Variants in DOCK10 observed in about 807,000 individuals in gnomAD.
The protein encoded by DOCK10 is dedicator of cytokinesis protein 10.
In DOCK10, 145 loss-of-function variants were observed where a neutral mutation model predicts 280.1. The observed-to-expected ratio is 0.52, with a 90% CI of 0.45 to 0.59. The LOEUF is 0.59. Among genes scored for constraint, DOCK10 ranks in the 20% least tolerant of loss-of-function variants. The probability of loss-of-function intolerance (pLI) is 0.00; values close to 1 mark genes in which losing one functional copy is unlikely to be tolerated. For synonymous variants in DOCK10, 915 were observed against 942.2 expected, an observed-to-expected ratio of 0.97 and a Z score of 0.53; for missense variants, 2,368 against 2,651.7, an observed-to-expected ratio of 0.89 and a Z score of 2.35.
intron 1 of DOCK10, among the ~76,000 whole-genome samples, chr2:224,944,059 G>A (rs1023413484): frequency 2.0e-5 from 3 of 152,144 alleles, no homozygotes; most frequent in Non-Finnish European, 4.4e-5. Flanking sequence ...CATCATGCCC[G>A]GCCGGTTTAG....
chr2:224,901,666 GA>G (rs1700305508), intron 3 of DOCK10, among the ~76,000 whole-genome samples: 1 of 152,196 alleles, frequency 6.6e-6, no homozygotes, highest in Non-Finnish European at 1.5e-5. Flanking sequence ...GAGATCCACG[GA>G]ATCAGAATCT....
At chr2:224,843,738 G>C (rs1696141610) in intron 22 of DOCK10, among the ~76,000 whole-genome samples, 1 of 152,184 alleles carries the variant, frequency 6.6e-6, no homozygotes, top group South Asian at 2.1e-4. Context: ...GTTTATATCT[G>C]TTGCCAGAAA....
At chr2:224,972,010 C>T (rs924038991) in intron 1 of DOCK10, among the ~76,000 whole-genome samples, 2 of 151,838 alleles carry the variant, frequency 1.3e-5, no homozygotes, top group African/African-American at 4.8e-5. Flanking sequence ...CTAGAAAATT[C>T]AAAATTACAT....
intron 4 of DOCK10, among the ~76,000 whole-genome samples, chr2:224,895,657 G>A (rs1161426171): frequency 6.6e-6 from 1 of 152,108 alleles, no homozygotes; most frequent in African/African-American, 2.4e-5. Context: ...TTTAGAAGGG[G>A]AAACAGACAC....
At chr2:225,028,240 G>A (rs1231134360) in intron 1 of DOCK10, among the ~76,000 whole-genome samples, 1 of 152,116 alleles carries the variant, frequency 6.6e-6, no homozygotes, top group Non-Finnish European at 1.5e-5. Context: ...TGGGTCCGAG[G>A]GGCGCAACAT....
intron 13 of DOCK10, among the ~76,000 whole-genome samples, chr2:224,864,300 G>C (rs889398059): frequency 1.3e-5 from 2 of 152,152 alleles, no homozygotes; most frequent in Non-Finnish European, 2.9e-5. Context: ...TTGAAGTCAG[G>C]AGTTCGAGAC....
At chr2:224,937,165 G>A (rs1446464603) in intron 1 of DOCK10, among the ~76,000 whole-genome samples, 1 of 152,150 alleles carries the variant, frequency 6.6e-6, no homozygotes, top group Admixed American at 6.5e-5. Context: ...ATACTCATGT[G>A]TATTGGTCAT....
intron 45 of DOCK10, 72 bp from the exon 46 acceptor site, chr2:224,793,529 G>A (rs547294227): frequency 2.2e-5 from 26 of 1,190,252 alleles, no homozygotes; most frequent in Admixed American, 5.6e-5. Context: ...CTTCCAAGGC[G>A]AGTCAGTATT....
intron 1 of DOCK10, among the ~76,000 whole-genome samples, chr2:224,979,765 G>C (rs375302498): frequency 6.6e-6 from 1 of 152,134 alleles, no homozygotes; most frequent in Non-Finnish European, 1.5e-5. Context: ...GTTACATCCC[G>C]GCACTTTTCT....
chr2:224,964,212 G>A (rs1704603856), intron 1 of DOCK10, among the ~76,000 whole-genome samples: 1 of 152,140 alleles, frequency 6.6e-6, no homozygotes, highest in Non-Finnish European at 1.5e-5. Flanking sequence ...AAGTGAATTA[G>A]AACAACTACA....
intron 1 of DOCK10, among the ~76,000 whole-genome samples, chr2:224,967,758 T>C (rs1704859122): frequency 6.6e-6 from 1 of 152,018 alleles, no homozygotes; most frequent in South Asian, 2.1e-4. Context: ...ATATATGTAG[T>C]TGTTAATAAT....
intron 1 of DOCK10, among the ~76,000 whole-genome samples, chr2:224,993,788 C>T (rs1455581138): frequency 4.6e-5 from 7 of 152,120 alleles, no homozygotes. Flanking sequence ...GAGATTGGCT[C>T]CAGGATTGCT....
At chr2:224,845,805 C>T (rs1431324615) in intron 19 of DOCK10, among the ~76,000 whole-genome samples, 163 bp from the exon 20 acceptor site, 19 of 152,106 alleles carry the variant, frequency 1.2e-4, no homozygotes, top group Admixed American at 1.2e-3. Context: ...CTCACTGCAA[C>T]CTCTGCCTCC....
At chr2:224,825,614 T>C (rs1438221965) in intron 27 of DOCK10, among the ~76,000 whole-genome samples, 1 of 152,242 alleles carries the variant, frequency 6.6e-6, no homozygotes, top group Admixed American at 6.5e-5. Context: ...CATGAATGCC[T>C]TGGGCTTTAA....
At chr2:224,933,787 A>C (rs1702532736) in intron 1 of DOCK10, among the ~76,000 whole-genome samples, 1 of 152,146 alleles carries the variant, frequency 6.6e-6, no homozygotes, top group Non-Finnish European at 1.5e-5. Flanking sequence ...GTGTGGTTTT[A>C]GTGTATATTG....
chr2:224,862,838 A>G, intron 13 of DOCK10, 92 bp from the exon 14 acceptor site: 1 of 806,734 alleles, frequency 1.2e-6, no homozygotes, highest in Non-Finnish European at 1.8e-6. Flanking sequence ...ATATTATTTT[A>G]TACTGAAACT....
intron 1 of DOCK10, among the ~76,000 whole-genome samples, chr2:224,969,015 C>A (rs75073352): frequency 4.1e-4 from 62 of 152,306 alleles, no homozygotes; most frequent in East Asian, 1.5e-3. Flanking sequence ...ATAAGGAGGG[C>A]TGCAGAGAGG....
chr2:224,918,878 ATATGTATGTGTGGTGTGAATGT>A (rs1701502008), intron 2 of DOCK10, among the ~76,000 whole-genome samples: 2 of 121,010 alleles, frequency 1.7e-5, no homozygotes, highest in East Asian at 2.8e-4. Flanking sequence ...GAGTGTGTGT[ATATGTATGTGTGGTGTGAATGT>A]GTGTATGGTG....
chr2:224,801,768 A>T (rs1258865666), intron 40 of DOCK10, 148 bp downstream of exon 40: 6 of 845,834 alleles, frequency 7.1e-6, no homozygotes, highest in Non-Finnish European at 9.1e-6. Flanking sequence ...ATTTTTTTTT[A>T]ACCACTCCCT....
Sources: gnomAD v4.1 joint callset for allele counts (sites outside exome capture counted in the v4.1 genomes callset) on GRCh38, gnomAD v4.1.1 for gene constraint, MANE v1.5 for transcripts, NCBI Gene and HGNC (gene_info 2026-07-23, HGNC 2026-07-21) for gene names.